The following WDPCP variants were observed in gnomAD, a reference collection of about 807,000 sequenced individuals.
WDPCP encodes the protein WD repeat containing planar cell polarity effector, also known as WD repeat-containing and planar cell polarity effector protein fritz homolog.
WDPCP carries 71 observed loss-of-function variants against 93.1 expected under a neutral mutation model. The ratio of observed to expected loss-of-function variants is 0.76; its 90% CI spans 0.63 to 0.93. WDPCP has a LOEUF of 0.93. Among genes scored for constraint, WDPCP ranks in the 40% least tolerant of loss-of-function variants. WDPCP has a pLI of 0.00. For synonymous variants in WDPCP, 315 were observed against 315.0 expected, an observed-to-expected ratio of 1.00 and a Z score of 0.00; for missense variants, 844 against 887.4, an observed-to-expected ratio of 0.95 and a Z score of 0.62.
chr2:63,599,031 C>A, intron 3 of WDPCP: 2 of 590,734 alleles, frequency 3.4e-6, no homozygotes, highest in East Asian at 3.4e-5. Flanking sequence ...ATGCATTTTC[C>A]TATGCTATAT....
chr2:63,698,008 T>A (rs1332892451), intron 2 of WDPCP, among the ~76,000 whole-genome samples: 1 of 151,668 alleles, frequency 6.6e-6, no homozygotes, highest in Non-Finnish European at 1.5e-5. Context: ...CAGGCTGGAG[T>A]GCAGTGGCGT....
chr2:63,723,074 T>C (rs900912776), intron 2 of WDPCP, among the ~76,000 whole-genome samples: 1 of 152,162 alleles, frequency 6.6e-6, no homozygotes, highest in Non-Finnish European at 1.5e-5. Flanking sequence ...GTTAAACAGA[T>C]GCTTGAAGGC....
At chr2:63,192,694 G>C (rs1361823968) in intron 14 of WDPCP, among the ~76,000 whole-genome samples, 1 of 152,222 alleles carries the variant, frequency 6.6e-6, no homozygotes, top group African/African-American at 2.4e-5. Flanking sequence ...GTCAAAAGAA[G>C]AGAAGTGAGC....
intron 12 of WDPCP, among the ~76,000 whole-genome samples, chr2:63,332,512 T>C (rs954981210): frequency 6.6e-6 from 1 of 152,196 alleles, no homozygotes; most frequent in South Asian, 2.1e-4. Context: ...GTTCATGTGC[T>C]ACCTAGACAT....
chr2:63,832,065 G>T (rs769633966), upstream of WDPCP, among the ~76,000 whole-genome samples: 4 of 152,142 alleles, frequency 2.6e-5, no homozygotes, highest in Non-Finnish European at 5.9e-5. Flanking sequence ...CACTGCACTG[G>T]ATATAGCTTA....
intron 2 of WDPCP, among the ~76,000 whole-genome samples, chr2:63,711,056 C>G (rs1374199429): frequency 2.0e-5 from 3 of 152,134 alleles, no homozygotes; most frequent in Non-Finnish European, 4.4e-5. Flanking sequence ...TAAAGAACCC[C>G]TAGGCCCAAA....
chr2:63,357,252 A>G (rs1370909647), intron 12 of WDPCP, among the ~76,000 whole-genome samples: 1 of 152,234 alleles, frequency 6.6e-6, no homozygotes, highest in Non-Finnish European at 1.5e-5. Context: ...CAACTGCAAC[A>G]AAAGCAAAAA....
At chr2:63,486,419 C>G (rs73937816) in intron 4 of WDPCP, 123 bp downstream of exon 4, 8,115 of 789,900 alleles carry the variant, frequency 0.01, 233 homozygotes, top group African/African-American at 0.083. Context: ...GTTTATATTC[C>G]TAAGTAATAG....
intron 2 of WDPCP, among the ~76,000 whole-genome samples, chr2:63,491,346 C>G (rs1470345424): frequency 6.6e-6 from 1 of 152,094 alleles, no homozygotes; most frequent in Non-Finnish European, 1.5e-5. Context: ...AAGTGAGGCA[C>G]TAAAAAACTG....
rs763598392 is a variant in WDPCP at position 63,439,842 on chromosome 2, A to G, written c.414T>C (p.Ser138=). The G allele has an allele frequency of 2.5e-6, 4 of 1,613,280 alleles. No homozygotes were observed. Among genetic ancestry groups the G allele is most frequent in the Non-Finnish European group, 3.4e-6 (4 of 1,179,408 alleles). Reference sequence around the variant, plus strand: ...CCAGCTGCGGCCCAGAAAGGCTTAGAGACACCAGCACACCTGAACCAAAAA... The same window carrying G: ...CCAGCTGCGGCCCAGAAAGGCTTAGGGACACCAGCACACCTGAACCAAAAA... ...QLLFGSGVLV[S]LSLSGPQLEK... is the part of the protein sequence containing the mutation. The change falls in exon 7 of 18, where the codon TCT becomes TCC. Residue 138 remains serine (S), a synonymous_variant. Coordinates refer to ENST00000272321, the MANE Select transcript of WDPCP (RefSeq NM_015910.7).
At position 63,437,887 on chromosome 2, in the gene WDPCP, A is replaced by G. The variant is rs1697244364; in HGVS notation, c.500-333T>C. On this transcript the variant is annotated intron_variant, in intron 7 of 17. Transcript: ENST00000272321. ...CTGAATGTAGAGACGAAAACATTCCATTTTATTTGTGCTAAGAGTTTAATC... is the reference window on the plus strand; with the variant it reads ...CTGAATGTAGAGACGAAAACATTCCGTTTTATTTGTGCTAAGAGTTTAATC... The G allele has an allele frequency of 2.5e-6, 4 of 1,596,064 alleles. No individual in the cohort carries two copies. The highest frequency in any genetic ancestry group is 3.4e-6 in the Non-Finnish European group (4 of 1,170,730).
intron 6 of WDPCP, among the ~76,000 whole-genome samples, chr2:63,452,515 G>A (rs1312831448): frequency 6.6e-6 from 1 of 152,118 alleles, no homozygotes; most frequent in African/African-American, 2.4e-5. Context: ...TGGCCATACT[G>A]CCCAGGGTAA....
At chr2:63,565,877 T>C (rs1157406856) in intron 1 of WDPCP, among the ~76,000 whole-genome samples, 1 of 152,338 alleles carries the variant, frequency 6.6e-6, no homozygotes, top group South Asian at 2.1e-4. Context: ...CAGGTACATA[T>C]ATAGCCATCG....
At chr2:63,623,262 T>C (rs1244331704) in intron 3 of WDPCP, among the ~76,000 whole-genome samples, 1 of 152,166 alleles carries the variant, frequency 6.6e-6, no homozygotes, top group Non-Finnish European at 1.5e-5. Flanking sequence ...ATCAACGCTA[T>C]GAAGAAACTG....
chr2:63,815,394 G>A (rs1306164914), intron 1 of WDPCP, among the ~76,000 whole-genome samples: 16 of 152,216 alleles, frequency 1.1e-4, no homozygotes, highest in Admixed American at 1.0e-3. Flanking sequence ...TTCATTAGCT[G>A]GAATTGTTCT....
At chr2:63,454,109 A>AAT (rs1198006719) in intron 6 of WDPCP, among the ~76,000 whole-genome samples, 7 of 150,194 alleles carry the variant, frequency 4.7e-5, no homozygotes, top group African/African-American at 9.8e-5. Flanking sequence ...GTATAATAAA[A>AAT]ATATATATAT....
At position 63,733,285 on chromosome 2, in the gene WDPCP, C is replaced by T. The variant is rs994938343; in HGVS notation, n.308+80337G>A. On this transcript the variant is annotated intron_variant and non_coding_transcript_variant, in intron 2 of 4. Coordinates refer to the WDPCP transcript ENST00000467687. Reference sequence around the variant, plus strand: ...CGCAATCTCGGCTCACTGCAAGCTCCGCTTCCCGGGTTCACGCCATTCTCC... The same window carrying T: ...CGCAATCTCGGCTCACTGCAAGCTCTGCTTCCCGGGTTCACGCCATTCTCC... Among the ~76,000 whole-genome samples the T allele has an allele frequency of 3.4e-5, 5 of 145,160 alleles. No individual in the cohort carries two copies. In the East Asian group the frequency reaches 5.9e-4, roughly 17 times the overall value.
chr2:63,308,595 G>C lies in WDPCP; in HGVS notation c.1812+4653C>G, dbSNP rs537671905. 3.2e-3 allele frequency among the ~76,000 whole-genome samples: 490 copies of C among 152,080 alleles called. 3 individuals are homozygous for C. Among genetic ancestry groups the C allele is most frequent in the Middle Eastern group, 0.01 (3 of 292 alleles). ...AGGATGAGTTCATGTCCTTTGCAGG[G>C]ACATGGATGAAGCTGGAAACCATCA... On this transcript the variant is annotated intron_variant, in intron 13 of 17. Coordinates refer to ENST00000272321, the MANE Select transcript of WDPCP (RefSeq NM_015910.7).
intron 13 of WDPCP, among the ~76,000 whole-genome samples, chr2:63,305,712 G>A (rs995243001): frequency 9.2e-5 from 14 of 152,102 alleles, no homozygotes; most frequent in African/African-American, 2.9e-4. Context: ...TGAGTGAGAC[G>A]AATTGACAGT....
Sources: gnomAD v4.1 joint callset for allele counts (sites outside exome capture counted in the v4.1 genomes callset) on GRCh38, gnomAD v4.1.1 for gene constraint, MANE v1.5 for transcripts, NCBI Gene and HGNC (gene_info 2026-07-23, HGNC 2026-07-21) for gene names.